The following TIPIN variants were observed in gnomAD, a reference collection of about 807,000 sequenced individuals.
TIPIN encodes the protein TIMELESS interacting protein.
Under a neutral mutation model 35.6 loss-of-function variants are expected in TIPIN, and 29 were observed. The observed-to-expected ratio is 0.82, with a 90% CI of 0.61 to 1.11. The LOEUF (loss-of-function observed/expected upper bound fraction) is 1.11. Among genes scored for constraint, TIPIN ranks in the 50% most tolerant of loss-of-function variants. The pLI is 0.00. For missense variants in TIPIN, 296 were observed against 345.4 expected (o/e 0.86, Z 1.13); for synonymous variants, 102 against 121.5 (o/e 0.84, Z 1.06).
At chr15:66,379,621 A>G (rs750329433) in intron 1 of TIPIN, 31 of 1,609,148 alleles carry the variant, frequency 1.9e-5, no homozygotes, top group Non-Finnish European at 2.3e-5. Context: ...ATGATGGGGA[A>G]GTAAGCATAC....
chr15:66,351,134 G>A (rs1025505011), intron 4 of TIPIN, among the ~76,000 whole-genome samples: 2 of 152,068 alleles, frequency 1.3e-5, no homozygotes, highest in South Asian at 2.1e-4. Context: ...ACACTTTACT[G>A]ACATTTATTA....
At position 66,369,942 on chromosome 15, in the gene TIPIN, T is replaced by C. The variant is rs149859055; in HGVS notation, c.-9+16665A>G. 2.7e-3 allele frequency among the ~76,000 whole-genome samples: 409 copies of C among 152,280 alleles called. 1 individual carries two copies. The highest frequency in any genetic ancestry group is 9.6e-3 in the African/African-American group (399 of 41,576). On this transcript the variant is annotated intron_variant, in intron 1 of 7. Coordinates refer to the TIPIN transcript ENST00000562124. ...CAGGAAACGGATGATGCAGGGGTTTTCCATTGAGTGGAAGAAAGCATGAGG... is the reference window on the plus strand; with the variant it reads ...CAGGAAACGGATGATGCAGGGGTTTCCCATTGAGTGGAAGAAAGCATGAGG...
intron 1 of TIPIN, among the ~76,000 whole-genome samples, chr15:66,354,820 C>T (rs2093192479): frequency 1.3e-5 from 2 of 152,170 alleles, no homozygotes; most frequent in South Asian, 4.1e-4. Flanking sequence ...CTCAATTTCT[C>T]TAAATCCTTC....
At chr15:66,378,703 T>C (rs986542123) in intron 1 of TIPIN, among the ~76,000 whole-genome samples, 4 of 151,920 alleles carry the variant, frequency 2.6e-5, no homozygotes, top group African/African-American at 4.8e-5. Context: ...TAGCAGTACT[T>C]GTATGATTTC....
At chr15:66,344,687 CA>C (rs1198557358) in intron 6 of TIPIN, among the ~76,000 whole-genome samples, 28 of 62,790 alleles carry the variant, frequency 4.5e-4, no homozygotes, top group Admixed American at 5.2e-4. Flanking sequence ...CCTTTCTCTA[CA>C]AAAAAAAAAA....
rs893455918 is a variant in TIPIN at position 66,380,300 on chromosome 15, C to T, written c.-9+6307G>A. On this transcript the variant is annotated intron_variant, in intron 1 of 7. Transcript: ENST00000562124. ...GATTACAGGCGTGAGCCACTGCGCC[C>T]GGCCCCTACACCTTCATTTCTTTTT... 4.6e-5 allele frequency among the ~76,000 whole-genome samples: 7 copies of T among 151,922 alleles called. No homozygotes were observed. In the East Asian group the frequency reaches 5.8e-4, roughly 13 times the overall value.
intron 1 of TIPIN, among the ~76,000 whole-genome samples, chr15:66,362,010 G>A (rs1436408340): frequency 2.7e-5 from 4 of 149,084 alleles, no homozygotes; most frequent in African/African-American, 9.9e-5. Flanking sequence ...TTGAGGCTGG[G>A]CGCGGTGGCT....
At chr15:66,341,039 A>C in intron 7 of TIPIN, 111 bp downstream of exon 7, 1 of 913,610 alleles carries the variant, frequency 1.1e-6, no homozygotes, top group Non-Finnish European at 1.7e-6. Context: ...TTAATATCAC[A>C]CTTTTCCACT....
chr15:66,379,277 A>T (rs1357919902), intron 1 of TIPIN: 26 of 1,510,696 alleles, frequency 1.7e-5, no homozygotes, highest in Non-Finnish European at 2.6e-6. Context: ...TTTAAATATC[A>T]CAAGTAGGTC....
chr15:66,354,288 C>G (rs2093189213), intron 1 of TIPIN, among the ~76,000 whole-genome samples: 1 of 152,216 alleles, frequency 6.6e-6, no homozygotes, highest in African/African-American at 2.4e-5. Flanking sequence ...CAAAACCAAA[C>G]TTCTAAATTT....
At chr15:66,339,902 C>G (rs1043864607) in intron 7 of TIPIN, among the ~76,000 whole-genome samples, 2 of 151,412 alleles carry the variant, frequency 1.3e-5, no homozygotes, top group African/African-American at 4.9e-5. Flanking sequence ...CGGAGTCTTG[C>G]TCTGTCACCC....
intron 1 of TIPIN, among the ~76,000 whole-genome samples, chr15:66,372,412 T>C (rs1300295164): frequency 6.6e-6 from 1 of 152,252 alleles, no homozygotes; most frequent in African/African-American, 2.4e-5. Context: ...ATTTTTACAA[T>C]GCTATGGAGT....
intron 1 of TIPIN, among the ~76,000 whole-genome samples, chr15:66,375,607 G>C (rs1251722417): frequency 6.7e-6 from 1 of 150,256 alleles, no homozygotes; most frequent in Non-Finnish European, 1.5e-5. Context: ...GGGAGGCCAA[G>C]ACTGGTGGAT....
At chr15:66,349,980 CAG>C (rs934251537) in intron 4 of TIPIN, among the ~76,000 whole-genome samples, 3 of 151,378 alleles carry the variant, frequency 2.0e-5, no homozygotes, top group Non-Finnish European at 4.4e-5. Flanking sequence ...TGGTTTTTTT[CAG>C]AGAGATTCTC....
chr15:66,367,202 C>CTATATCTATATCTATATCTATATCTA (rs2093258682), intron 1 of TIPIN, among the ~76,000 whole-genome samples: 1 of 132,482 alleles, frequency 7.5e-6, no homozygotes, highest in East Asian at 2.1e-4. Flanking sequence ...ATATCTATAT[C>CTATATCTATATCTATATCTATATCTA]TATATCTATA....
Position 66,350,653 on chromosome 15 carries a change from C to G in TIPIN, c.288+872G>C, listed in dbSNP as rs377390760. Among the ~76,000 whole-genome samples the G allele has an allele frequency of 1.2e-3, 182 of 146,136 alleles. 1 individual carries two copies. The highest frequency in any genetic ancestry group is 4.3e-3 in the African/African-American group (172 of 39,660). On this transcript the variant is annotated intron_variant, in intron 4 of 7. Transcript: ENST00000261881. ...TTAATAAAGTTAAAAGATAGTAGGC[C>G]GGGCAGTGGCTCACGCCTGTAATCC...
At chr15:66,383,311 G>A (rs1052273691) in intron 1 of TIPIN, among the ~76,000 whole-genome samples, 14 of 150,458 alleles carry the variant, frequency 9.3e-5, no homozygotes, top group South Asian at 2.1e-4. Context: ...TGCACAGGCT[G>A]GAGTACAGTG....
chr15:66,364,564 A>G (rs1230091956), intron 1 of TIPIN, among the ~76,000 whole-genome samples: 1 of 152,190 alleles, frequency 6.6e-6, no homozygotes, highest in Non-Finnish European at 1.5e-5. Flanking sequence ...CAGATTAATA[A>G]GAGAAAAGGA....
chr15:66,355,554 C>A (rs1376206611), intron 1 of TIPIN, among the ~76,000 whole-genome samples: 1 of 151,532 alleles, frequency 6.6e-6, no homozygotes, highest in Non-Finnish European at 1.5e-5. Context: ...TCGAGACCAG[C>A]CTGGCCAACA....
Sources: gnomAD v4.1 joint callset for allele counts (sites outside exome capture counted in the v4.1 genomes callset) on GRCh38, gnomAD v4.1.1 for gene constraint, MANE v1.5 for transcripts, NCBI Gene and HGNC (gene_info 2026-07-23, HGNC 2026-07-21) for gene names.